The following VDAC1 variants were observed in gnomAD, a reference collection of about 807,000 sequenced individuals.
VDAC1 encodes voltage dependent anion channel 1.
A neutral mutation model predicts 34.7 loss-of-function variants in VDAC1; 10 were observed. The observed-to-expected ratio is 0.29, with a 90% CI of 0.18 to 0.49. The LOEUF is 0.49. Ranked by LOEUF, VDAC1 falls within the 20% of genes least tolerant of loss-of-function variation. The pLI, the probability that VDAC1 is intolerant of heterozygous loss-of-function variation, is 0.99. For synonymous variants in VDAC1, 130 were observed against 136.0 expected (o/e 0.96, Z 0.30); for missense variants, 230 against 347.9 (o/e 0.66, Z 2.69).
At chr5:134,095,484 G>GTAAA in the VDAC1 span, among the ~76,000 whole-genome samples, 76,460 of 142,410 alleles carry the variant, frequency 0.54, 20,860 homozygotes, top group Non-Finnish European at 0.6. Flanking sequence ...CTCTGTCTCA[G>GTAAA]TAAATAAATA....
intron 1 of VDAC1, among the ~76,000 whole-genome samples, chr5:134,000,406 A>C (rs1042297248): frequency 1.3e-5 from 2 of 152,112 alleles, no homozygotes; most frequent in African/African-American, 4.8e-5. Context: ...GAGGTTGCTG[A>C]CTCAGGGCAG....
the VDAC1 span, among the ~76,000 whole-genome samples, chr5:134,048,849 C>G: frequency 2.6e-5 from 4 of 152,106 alleles, no homozygotes; most frequent in Non-Finnish European, 4.4e-5. Context: ...TTATTTACTA[C>G]TGCAGCTCCA....
the VDAC1 span, among the ~76,000 whole-genome samples, chr5:134,055,816 A>G: frequency 2.6e-5 from 4 of 151,828 alleles, no homozygotes; most frequent in Non-Finnish European, 5.9e-5. Context: ...GTCTCCCATT[A>G]TCTCAATTGT....
At chr5:134,003,944 A>C (rs1753656985) in intron 1 of VDAC1, among the ~76,000 whole-genome samples, 1 of 152,230 alleles carries the variant, frequency 6.6e-6, no homozygotes, top group Non-Finnish European at 1.5e-5. Flanking sequence ...CGACCGAACC[A>C]GTAATCACTC....
the VDAC1 span, among the ~76,000 whole-genome samples, chr5:134,071,612 T>C: frequency 4.3e-4 from 65 of 152,360 alleles, no homozygotes; most frequent in African/African-American, 1.4e-3. The surrounding 1 kb of genome is among the most constrained non-coding windows in gnomAD (Gnocchi z 4.1). Context: ...GAATTCCCCT[T>C]AGCCTTGACT....
chr5:134,089,694 G>C, the VDAC1 span, among the ~76,000 whole-genome samples: 1 of 114,674 alleles, frequency 8.7e-6, no homozygotes, highest in Non-Finnish European at 1.6e-5. Flanking sequence ...TCATGGCCGG[G>C]TGCGGTGGCT....
rs1347132617 is a variant in VDAC1, at chr5:133,990,920, G to T, written c.271-13C>A. On this transcript the variant is annotated splice_polypyrimidine_tract_variant and intron_variant, in intron 4 of 8. Transcript: ENST00000265333. ...GTCCACGTGCAAGCTGAACAGAAAA[G>T]AAATTTGCCACTAGATTTAGTCACA... The T allele has an allele frequency of 3.8e-6, 6 of 1,591,226 alleles. No homozygotes were observed. Among genetic ancestry groups the T allele is most frequent in the Non-Finnish European group, 5.1e-6 (6 of 1,166,912 alleles).
the VDAC1 span, among the ~76,000 whole-genome samples, chr5:134,038,802 G>C: frequency 1.3e-5 from 2 of 152,146 alleles, no homozygotes; most frequent in Non-Finnish European, 2.9e-5. Flanking sequence ...ACCAAAACCA[G>C]GAGAGAAAGT....
chr5:134,016,803 G>A, the VDAC1 span, among the ~76,000 whole-genome samples: 1 of 152,252 alleles, frequency 6.6e-6, no homozygotes, highest in African/African-American at 2.4e-5. Context: ...TTCAGGCACT[G>A]TCTGTCCAAA....
At chr5:134,019,934 T>C in the VDAC1 span, among the ~76,000 whole-genome samples, 1 of 152,130 alleles carries the variant, frequency 6.6e-6, no homozygotes, top group African/African-American at 2.4e-5. Flanking sequence ...AACGACTTTC[T>C]CTCTGACATG....
chr5:133,999,685 G>A (rs957878032), intron 1 of VDAC1, among the ~76,000 whole-genome samples: 7 of 152,108 alleles, frequency 4.6e-5, no homozygotes, highest in Non-Finnish European at 7.4e-5. Flanking sequence ...TCCCTCTCTT[G>A]TAGGCCTCAG....
the VDAC1 span, among the ~76,000 whole-genome samples, chr5:134,021,278 G>T: frequency 6.6e-6 from 1 of 151,762 alleles, no homozygotes; most frequent in South Asian, 2.1e-4. Flanking sequence ...ATGTTGGTTT[G>T]CTGCACCCAT....
chr5:134,018,359 A>G, the VDAC1 span, among the ~76,000 whole-genome samples: 1 of 152,204 alleles, frequency 6.6e-6, no homozygotes. Flanking sequence ...GCCATTCACG[A>G]GGGATCTGCC....
chr5:133,974,184 C>T (rs945531545), intron 7 of VDAC1, among the ~76,000 whole-genome samples: 2 of 152,132 alleles, frequency 1.3e-5, no homozygotes, highest in African/African-American at 4.8e-5. Context: ...GAGCCAAATT[C>T]GGTTCTAGTT....
intron 1 of VDAC1, chr5:134,004,463 G>C (rs984679059): frequency 5.9e-5 from 9 of 152,350 alleles, no homozygotes; most frequent in Non-Finnish European, 1.2e-4. Flanking sequence ...CCGCCTGTGC[G>C]GCCTTCTCTG....
the VDAC1 span, among the ~76,000 whole-genome samples, chr5:134,096,995 A>G: frequency 2.0e-5 from 3 of 152,222 alleles, no homozygotes; most frequent in Admixed American, 6.5e-5. Flanking sequence ...GACTTAGCCT[A>G]TTGCTAGAGA....
the VDAC1 span, among the ~76,000 whole-genome samples, chr5:134,019,527 C>T: frequency 2.0e-5 from 3 of 152,140 alleles, no homozygotes; most frequent in Non-Finnish European, 4.4e-5. Context: ...CTGCAGTGAG[C>T]CATGATCGTA....
At chr5:134,094,431 G>T in the VDAC1 span, among the ~76,000 whole-genome samples, 1 of 152,166 alleles carries the variant, frequency 6.6e-6, no homozygotes, top group Non-Finnish European at 1.5e-5. Context: ...GGGCGCGGTG[G>T]CTCACACCTG....
the VDAC1 span, among the ~76,000 whole-genome samples, chr5:134,079,644 T>A: frequency 6.6e-6 from 1 of 152,230 alleles, no homozygotes; most frequent in African/African-American, 2.4e-5. Flanking sequence ...AGACCTACCA[T>A]GTGCCCAGCC....
Sources: allele counts gnomAD v4.1 joint callset (sites outside exome capture counted in the v4.1 genomes callset), GRCh38; gene constraint gnomAD v4.1.1; non-coding constraint Gnocchi (gnomAD v3.1); transcripts MANE v1.5; gene names NCBI Gene and HGNC (gene_info 2026-07-23, HGNC 2026-07-21).